Variants in WDPCP observed in about 807,000 individuals in gnomAD.
WDPCP encodes the protein WD repeat containing planar cell polarity effector, also known as WD repeat-containing and planar cell polarity effector protein fritz homolog.
In WDPCP, 71 loss-of-function variants were observed where a neutral mutation model predicts 93.1. That is an observed-to-expected ratio of 0.76 (90% CI 0.63 to 0.93). WDPCP has a LOEUF of 0.93. Among genes scored for constraint, WDPCP ranks in the 40% least tolerant of loss-of-function variants. The pLI is 0.00. For missense variants in WDPCP, 844 were observed against 887.4 expected (o/e 0.95, Z 0.62); for synonymous variants, 315 against 315.0 (o/e 1.00, Z 0.00).
intron 6 of WDPCP, among the ~76,000 whole-genome samples, chr2:63,443,797 A>C (rs1379041165): frequency 6.6e-6 from 1 of 152,190 alleles, no homozygotes; most frequent in Non-Finnish European, 1.5e-5. Flanking sequence ...ATATATTTTA[A>C]AAAGTATCTA....
chr2:63,449,811 A>G (rs1371589915), intron 6 of WDPCP, among the ~76,000 whole-genome samples: 1 of 152,112 alleles, frequency 6.6e-6, no homozygotes, highest in Non-Finnish European at 1.5e-5. Flanking sequence ...ACCATTACAC[A>G]GCTGTCACAG....
chr2:63,291,395 T>G (rs1684408920), intron 13 of WDPCP, among the ~76,000 whole-genome samples: 1 of 152,200 alleles, frequency 6.6e-6, no homozygotes, highest in Non-Finnish European at 1.5e-5. Flanking sequence ...CAGTTTTGTA[T>G]GTGCTACACA....
At chr2:63,635,871 A>G (rs1312003602) in intron 3 of WDPCP, among the ~76,000 whole-genome samples, 1 of 152,194 alleles carries the variant, frequency 6.6e-6, no homozygotes, top group Non-Finnish European at 1.5e-5. Context: ...CAATTAGGGA[A>G]GAAAAACAGA....
chr2:63,209,798 T>C (rs1245662782), intron 14 of WDPCP, among the ~76,000 whole-genome samples: 1 of 152,196 alleles, frequency 6.6e-6, no homozygotes, highest in East Asian at 1.9e-4. Flanking sequence ...AATATATTCA[T>C]ACAATTGAAT....
intron 2 of WDPCP, among the ~76,000 whole-genome samples, chr2:63,800,642 T>A (rs1670681508): frequency 6.6e-6 from 1 of 152,214 alleles, no homozygotes; most frequent in African/African-American, 2.4e-5. Flanking sequence ...TGGCATTTTT[T>A]AAAGCGATAT....
intron 9 of WDPCP, among the ~76,000 whole-genome samples, chr2:63,419,399 C>CA (rs1369746362): frequency 6.6e-6 from 1 of 152,152 alleles, no homozygotes; most frequent in Admixed American, 6.5e-5. Context: ...CTTGGCCTCC[C>CA]AAAGTGCTGG....
chr2:63,245,352 A>T, intron 14 of WDPCP, among the ~76,000 whole-genome samples: 1 of 152,184 alleles, frequency 6.6e-6, no homozygotes, highest in East Asian at 1.9e-4. Flanking sequence ...TATATTAAAT[A>T]ATTGTACGGG....
chr2:63,219,376 C>A (rs565765847), intron 14 of WDPCP, among the ~76,000 whole-genome samples: 6 of 152,162 alleles, frequency 3.9e-5, no homozygotes, highest in Non-Finnish European at 8.8e-5. Context: ...TGCTTTGTTG[C>A]ACAGGCATGC....
At chr2:63,764,901 G>A (rs1009250923) in intron 2 of WDPCP, among the ~76,000 whole-genome samples, 1 of 152,186 alleles carries the variant, frequency 6.6e-6, no homozygotes, top group African/African-American at 2.4e-5. Flanking sequence ...ATGTTTGGAT[G>A]GGGTAGAGTA....
At chr2:63,412,247 T>C (rs1695073268) in intron 9 of WDPCP, among the ~76,000 whole-genome samples, 2 of 152,178 alleles carry the variant, frequency 1.3e-5, no homozygotes, top group Non-Finnish European at 2.9e-5. Flanking sequence ...ATAAATGTGA[T>C]ATACCACATA....
intron 6 of WDPCP, among the ~76,000 whole-genome samples, chr2:63,457,816 A>C (rs1014919014): frequency 6.6e-6 from 1 of 152,328 alleles, no homozygotes; most frequent in South Asian, 2.1e-4. Context: ...ATACTGAATA[A>C]GGAAAGGTTG....
chr2:63,541,154 G>T (rs1163819226), intron 1 of WDPCP, among the ~76,000 whole-genome samples: 1 of 151,974 alleles, frequency 6.6e-6, no homozygotes, highest in Non-Finnish European at 1.5e-5. Flanking sequence ...TGCATTTTTA[G>T]TAGAGATAGG....
chr2:63,156,494 G>C (rs932953964), intron 15 of WDPCP, among the ~76,000 whole-genome samples: 2 of 152,094 alleles, frequency 1.3e-5, no homozygotes, highest in Non-Finnish European at 2.9e-5. Flanking sequence ...CCAGCACCTT[G>C]GGAGGCTGAG....
chr2:63,313,271 CG>C lies in WDPCP; in HGVS notation c.1788del (p.Asp596GlufsTer16). 1 of 1,613,658 alleles carries C rather than the reference CG, an allele frequency of 6.2e-7. No homozygotes were observed. Among genetic ancestry groups the C allele is most frequent in the Non-Finnish European group, 8.5e-7 (1 of 1,179,722 alleles). ...RFEKAFLLAV[D>X]VGARDLFMDI... ...ACCATAAAGAGGTCACGAGCACCAACGTCAACAGCTAGGAGAAATGCCTTTT... is the reference window on the plus strand; with the variant it reads ...ACCATAAAGAGGTCACGAGCACCAACTCAACAGCTAGGAGAAATGCCTTTT... On this transcript the variant is annotated frameshift_variant, in exon 13 of 18. Coordinates refer to ENST00000272321, the MANE Select transcript of WDPCP (RefSeq NM_015910.7). LOFTEE classifies it high-confidence loss of function.
chr2:63,711,454 G>A (rs1159001232), intron 2 of WDPCP: 5 of 152,140 alleles, frequency 3.3e-5, no homozygotes, highest in Non-Finnish European at 5.9e-5. Context: ...GGGAATAAAT[G>A]GGTTACAGAA....
chr2:63,827,037 A>G (rs1421953986), intron 1 of WDPCP, among the ~76,000 whole-genome samples: 1 of 152,172 alleles, frequency 6.6e-6, no homozygotes, highest in Non-Finnish European at 1.5e-5. Context: ...AGACTTTCAG[A>G]CTTCCTTGAA....
intron 1 of WDPCP, among the ~76,000 whole-genome samples, chr2:63,817,397 C>T (rs1558918183): frequency 2.0e-5 from 3 of 152,070 alleles, no homozygotes; most frequent in Admixed American, 6.6e-5. Flanking sequence ...AGTGAGCCAC[C>T]GCACCCAGCC....
chr2:63,501,355 G>T (rs1701536269), intron 1 of WDPCP, among the ~76,000 whole-genome samples: 1 of 152,130 alleles, frequency 6.6e-6, no homozygotes, highest in African/African-American at 2.4e-5. Context: ...CTCTAAGTCA[G>T]GAGTTCAAGA....
intron 2 of WDPCP, among the ~76,000 whole-genome samples, chr2:63,710,774 G>A (rs1170032165): frequency 6.6e-6 from 1 of 152,172 alleles, no homozygotes; most frequent in Non-Finnish European, 1.5e-5. Flanking sequence ...GAGAATGAAT[G>A]TTCCCACTAT....
Sources: allele counts gnomAD v4.1 joint callset (sites outside exome capture counted in the v4.1 genomes callset), GRCh38; gene constraint gnomAD v4.1.1; transcripts MANE v1.5; gene names NCBI Gene and HGNC (gene_info 2026-07-23, HGNC 2026-07-21).